ALKBH1: variants seen among roughly 807,000 people sequenced by gnomAD.
The protein encoded by ALKBH1 is nucleic acid dioxygenase ALKBH1.
A neutral mutation model predicts 36.6 loss-of-function variants in ALKBH1; 31 were observed. That is an observed-to-expected ratio of 0.85 (90% CI 0.64 to 1.14). ALKBH1 has a LOEUF of 1.14. Among genes scored for constraint, ALKBH1 ranks in the 50% most tolerant of loss-of-function variants. The pLI, the probability that ALKBH1 is intolerant of heterozygous loss-of-function variation, is 0.00. For synonymous variants in ALKBH1, 183 were observed against 186.6 expected, an observed-to-expected ratio of 0.98 and a Z score of 0.16; for missense variants, 490 against 497.3, an observed-to-expected ratio of 0.99 and a Z score of 0.14.
chr14:77,679,123 CAT>C (rs1491317951), intron 4 of ALKBH1, among the ~76,000 whole-genome samples: 1 of 151,956 alleles, frequency 6.6e-6, no homozygotes, highest in African/African-American at 2.4e-5. Context: ...GATCGGTATC[CAT>C]ATGTTGAAAG....
In ALKBH1 at chr14:77,673,674, C is replaced by G. The variant is rs561514236; in HGVS notation, c.*138G>C. 5.5e-6 allele frequency: 5 copies of G among 904,460 alleles called. No individual in the cohort carries two copies. The highest frequency in any genetic ancestry group is 6.7e-6 in the Non-Finnish European group (4 of 595,162). 56.0% of individuals were successfully genotyped at this position (904,460 alleles called of 1,614,324 possible). ...GTTTACTTCTGCGTGGGTTCCAAGG[C>G]AACAGTGTGATCAACAATGAGTTCT... On this transcript the variant is annotated 3_prime_UTR_variant, in exon 6 of 6. Coordinates refer to ENST00000216489, the MANE Select transcript of ALKBH1 (RefSeq NM_006020.3).
chr14:77,686,128 A>G (rs1171827837), intron 3 of ALKBH1, among the ~76,000 whole-genome samples: 1 of 152,216 alleles, frequency 6.6e-6, no homozygotes, highest in Admixed American at 6.6e-5. Flanking sequence ...TTGTCTTAGT[A>G]CTATTTAAGG....
chr14:77,687,480 A>C (rs2080274075), intron 3 of ALKBH1, among the ~76,000 whole-genome samples: 1 of 144,300 alleles, frequency 6.9e-6, no homozygotes, highest in African/African-American at 2.6e-5. Flanking sequence ...CCCTGCTTAT[A>C]CCTCACCTCC....
chr14:77,678,452 G>A (rs1004082445), intron 4 of ALKBH1, among the ~76,000 whole-genome samples: 5 of 151,890 alleles, frequency 3.3e-5, no homozygotes, highest in Non-Finnish European at 7.4e-5. Context: ...TTACTGTGAG[G>A]CTGAGGTGTG....
At position 77,707,942 on chromosome 14, in the gene ALKBH1, G is replaced by C. The variant is rs1316798788; in HGVS notation, c.63C>G (p.Asp21Glu). The C allele has an allele frequency of 1.9e-6, 3 of 1,613,234 alleles. No homozygotes were observed. The highest frequency in any genetic ancestry group is 1.7e-4 in the Middle Eastern group (1 of 6,058). Residue 21 changes from aspartate (D) to glutamate (E), a missense_variant, in exon 1 of 6, where the codon GAC becomes GAG. Transcript: ENST00000216489. ...VATLATEPGE[D>E]AFRKLFRFYR... ...AGAAGCGGAAAAGTTTCCGAAAGGC[G>C]TCCTCCCCGGGCTCAGTCGCCAGAG...
chr14:77,692,295 C>A (rs1163631511), intron 3 of ALKBH1, among the ~76,000 whole-genome samples: 2 of 152,172 alleles, frequency 1.3e-5, no homozygotes, highest in Middle Eastern at 3.4e-3. Flanking sequence ...TGAACACAGT[C>A]AGTCTGACTC....
At chr14:77,683,503 C>T in intron 3 of ALKBH1, 1 of 685,750 alleles carries the variant, frequency 1.5e-6, no homozygotes, top group Non-Finnish European at 2.7e-6. Flanking sequence ...TCCAGTTTTG[C>T]CATGGCAACA....
intron 3 of ALKBH1, among the ~76,000 whole-genome samples, chr14:77,693,751 T>C (rs535548937): frequency 6.6e-6 from 1 of 152,204 alleles, no homozygotes; most frequent in South Asian, 2.1e-4. Flanking sequence ...ACTTTGGGAA[T>C]CTGAGGCAGG....
At chr14:77,688,496 C>T (rs889057166) in intron 3 of ALKBH1, among the ~76,000 whole-genome samples, 12 of 150,270 alleles carry the variant, frequency 8.0e-5, no homozygotes, top group African/African-American at 2.5e-4. Context: ...CCTCGTGATC[C>T]GTCCACCTCA....
At chr14:77,674,544 T>C (rs1359438831) in intron 5 of ALKBH1, among the ~76,000 whole-genome samples, 1 of 129,780 alleles carries the variant, frequency 7.7e-6, no homozygotes, top group Non-Finnish European at 1.8e-5. Flanking sequence ...TTAAGTTTTA[T>C]TGATGGTTTT....
chr14:77,685,893 GA>G (rs1166940072), intron 3 of ALKBH1, among the ~76,000 whole-genome samples: 2 of 152,158 alleles, frequency 1.3e-5, no homozygotes, highest in Admixed American at 1.3e-4. Flanking sequence ...ATAACAAAAA[GA>G]AAAATTGTGA....
At position 77,704,372 on chromosome 14, in the gene ALKBH1, G is replaced by T; in HGVS notation, c.289C>A (p.Pro97Thr). Residue 97 changes from proline (P) to threonine (T), a missense_variant, in exon 2 of 6, where the codon CCT becomes ACT. Coordinates refer to ENST00000216489, the MANE Select transcript of ALKBH1 (RefSeq NM_006020.3). ...KWQAYGLKGYPGFIFIPNPFL... is the reference protein window; with the variant it reads ...KWQAYGLKGYTGFIFIPNPFL... ...CTCTGAGGTCAGTTACACTCACCAG[G>T]ATAGCCTTTGAGTCCATAGGCTTGC... The T allele has an allele frequency of 6.2e-7, 1 of 1,611,614 alleles. No homozygotes were observed. The highest frequency in any genetic ancestry group is 8.5e-7 in the Non-Finnish European group (1 of 1,177,746).
intron 1 of ALKBH1, among the ~76,000 whole-genome samples, chr14:77,705,408 T>TGAG (rs1475359823): frequency 3.5e-5 from 2 of 57,542 alleles, no homozygotes; most frequent in Non-Finnish European, 6.8e-5. Context: ...AGACTCCGTC[T>TGAG]AAGAAAAAAA....
chr14:77,675,232 T>C (rs2080198329), intron 5 of ALKBH1, among the ~76,000 whole-genome samples: 1 of 151,360 alleles, frequency 6.6e-6, no homozygotes, highest in African/African-American at 2.4e-5. Flanking sequence ...CAGGAGTTCA[T>C]GACCAGCCTG....
intron 2 of ALKBH1, among the ~76,000 whole-genome samples, chr14:77,703,440 C>T (rs1264699903): frequency 4.0e-5 from 6 of 151,892 alleles, no homozygotes; most frequent in African/African-American, 9.6e-5. Context: ...TACAGGGGCC[C>T]GCCACCATGC....
At chr14:77,684,368 C>T (rs1199356056) in intron 3 of ALKBH1, among the ~76,000 whole-genome samples, 3 of 148,896 alleles carry the variant, frequency 2.0e-5, no homozygotes, top group Non-Finnish European at 4.5e-5. Context: ...TATTCTTTTT[C>T]TTTTTTTTTT....
Position 77,685,314 on chromosome 14 carries a change from G to C in ALKBH1, c.456-5344C>G, listed in dbSNP as rs144886902. On this transcript the variant is annotated intron_variant, in intron 3 of 5. Transcript: ENST00000216489. ...AAAAACTAGCCAGGCATGGTGGTGGGTGCCTGTAATTCCAGCTACTCAGGA... is the reference window on the plus strand; with the variant it reads ...AAAAACTAGCCAGGCATGGTGGTGGCTGCCTGTAATTCCAGCTACTCAGGA... 8.6e-3 allele frequency among the ~76,000 whole-genome samples: 1,300 copies of C among 150,946 alleles called. 9 individuals are homozygous for C. The highest frequency in any genetic ancestry group is 0.023 in the South Asian group (109 of 4,754).
At chr14:77,679,831 T>G (rs1324948770) in intron 4 of ALKBH1, 49 bp downstream of exon 4, 2 of 1,389,482 alleles carry the variant, frequency 1.4e-6, no homozygotes, top group Non-Finnish European at 2.0e-6. Context: ...CTATGTGGGC[T>G]AAAGAAGCCT....
chr14:77,706,708 T>C (rs1297330399), intron 1 of ALKBH1, among the ~76,000 whole-genome samples: 1 of 152,192 alleles, frequency 6.6e-6, no homozygotes, highest in African/African-American at 2.4e-5. Flanking sequence ...TAAAAGGAGC[T>C]GAATGAGAGT....
Sources: allele counts gnomAD v4.1 joint callset (sites outside exome capture counted in the v4.1 genomes callset), GRCh38; gene constraint gnomAD v4.1.1; transcripts MANE v1.5; gene names NCBI Gene and HGNC (gene_info 2026-07-23, HGNC 2026-07-21).